Variants in SLC2A9 observed in about 807,000 individuals in gnomAD.
The protein encoded by SLC2A9 is solute carrier family 2 member 9, also known as solute carrier family 2, facilitated glucose transporter member 9.
In SLC2A9, 39 loss-of-function variants were observed where a neutral mutation model predicts 50.6. That is an observed-to-expected ratio of 0.77 (90% CI 0.60 to 1.01). The LOEUF is 1.01. SLC2A9 is among the 50% of genes least tolerant of loss of function. The pLI is 0.00. For missense variants in SLC2A9, 686 were observed against 677.6 expected (o/e 1.01, Z -0.14); for synonymous variants, 324 against 276.9 (o/e 1.17, Z -1.69).
At chr4:9,810,130 T>A (rs151109802) in intron 3 of SLC2A9, among the ~76,000 whole-genome samples, 5 of 152,172 alleles carry the variant, frequency 3.3e-5, no homozygotes, top group African/African-American at 1.2e-4. Flanking sequence ...TTATTTCCCA[T>A]GTTTCTCCAC....
chr4:9,925,933 T>C (rs1744813634), intron 6 of SLC2A9, among the ~76,000 whole-genome samples: 1 of 152,130 alleles, frequency 6.6e-6, no homozygotes, highest in South Asian at 2.1e-4. Context: ...CTCCCCATGG[T>C]CCTCAGACAC....
intron 10 of SLC2A9, among the ~76,000 whole-genome samples, chr4:9,873,310 G>A (rs1733756398): frequency 6.6e-6 from 1 of 152,220 alleles, no homozygotes; most frequent in Non-Finnish European, 1.5e-5. Context: ...TTTGTGGAAT[G>A]GGGGTAAGTG....
chr4:9,866,308 A>C (rs1202288079), intron 10 of SLC2A9, among the ~76,000 whole-genome samples: 1 of 151,894 alleles, frequency 6.6e-6, no homozygotes, highest in Admixed American at 6.6e-5. Context: ...CTCTGGGCAC[A>C]CCTCCTCCAA....
At chr4:9,790,921 T>G (rs73805852) in intron 3 of SLC2A9, among the ~76,000 whole-genome samples, 183 of 152,336 alleles carry the variant, frequency 1.2e-3, no homozygotes, top group African/African-American at 4.1e-3. Context: ...TTATTAACAA[T>G]GAATACATCT....
chr4:9,879,044 G>T (rs1734759641), intron 10 of SLC2A9: 1 of 985,236 alleles, frequency 1.0e-6, no homozygotes, highest in Non-Finnish European at 1.2e-6. Flanking sequence ...AGCATTTATT[G>T]AGTGCTGACC....
At chr4:10,013,003 C>T (rs554719081) in intron 2 of SLC2A9, among the ~76,000 whole-genome samples, 2 of 152,002 alleles carry the variant, frequency 1.3e-5, no homozygotes, top group Non-Finnish European at 2.9e-5. Flanking sequence ...ACTGTAGGAA[C>T]CAGAGTGGAA....
intron 5 of SLC2A9, among the ~76,000 whole-genome samples, chr4:9,945,622 A>G (rs1272385397): frequency 1.3e-5 from 2 of 152,176 alleles, no homozygotes; most frequent in African/African-American, 2.4e-5. Flanking sequence ...AGGAGGCCTG[A>G]TAAGACATAC....
chr4:9,787,401 C>T (rs1719359447), intron 3 of SLC2A9, among the ~76,000 whole-genome samples: 2 of 152,176 alleles, frequency 1.3e-5, no homozygotes, highest in South Asian at 4.1e-4. Context: ...AGAAACCTTG[C>T]AACACGGTAC....
intron 10 of SLC2A9, among the ~76,000 whole-genome samples, chr4:9,843,560 G>A (rs1428617541): frequency 6.6e-6 from 1 of 152,100 alleles, no homozygotes; most frequent in African/African-American, 2.4e-5. Flanking sequence ...AGACCATCTG[G>A]GTTAGAGTCT....
intron 10 of SLC2A9, among the ~76,000 whole-genome samples, chr4:9,840,733 G>A (rs116782071): frequency 8.1e-4 from 123 of 152,210 alleles, no homozygotes; most frequent in African/African-American, 2.7e-3. Context: ...CATTAACTAT[G>A]ATGTTTTTGG....
At chr4:9,865,877 C>T (rs959089086) in intron 10 of SLC2A9, among the ~76,000 whole-genome samples, 56 of 152,318 alleles carry the variant, frequency 3.7e-4, no homozygotes, top group African/African-American at 1.2e-3. Flanking sequence ...CACTGGTTTG[C>T]AGGAATCTGG....
intron 3 of SLC2A9, among the ~76,000 whole-genome samples, chr4:9,793,674 G>A (rs576413056): frequency 6.6e-6 from 1 of 152,250 alleles, no homozygotes; most frequent in Non-Finnish European, 1.5e-5. Flanking sequence ...CATTTCAAAG[G>A]CCTGTTTTTT....
chr4:9,906,372 C>A (rs1329447379), intron 8 of SLC2A9, among the ~76,000 whole-genome samples: 1 of 152,106 alleles, frequency 6.6e-6, no homozygotes, highest in African/African-American at 2.4e-5. Context: ...AAGGATAAAT[C>A]GTTCAGCACT....
chr4:9,781,548 G>A (rs1204918242), intron 3 of SLC2A9: 1 of 154,556 alleles, frequency 6.5e-6, no homozygotes, highest in Non-Finnish European at 1.4e-5. Context: ...AGGGCGCCAA[G>A]GCACAGGTGG....
intron 5 of SLC2A9, among the ~76,000 whole-genome samples, chr4:9,950,584 T>C (rs1385672027): frequency 6.4e-5 from 6 of 93,138 alleles, no homozygotes; most frequent in East Asian, 6.2e-4. Context: ...ATGGCTATTA[T>C]TAAATGACAG....
At chr4:9,879,400 G>T (rs950673822) in intron 10 of SLC2A9, 1 of 985,012 alleles carries the variant, frequency 1.0e-6, no homozygotes, top group Non-Finnish European at 1.2e-6. Flanking sequence ...GTGTGTGTGT[G>T]TTTGTGCGTG....
chr4:9,772,526 C>T (rs1253065534), intron 1 of SLC2A9, among the ~76,000 whole-genome samples: 1 of 152,204 alleles, frequency 6.6e-6, no homozygotes, highest in Admixed American at 6.5e-5. Flanking sequence ...ATTGACCCCA[C>T]CCCTGCACAA....
chr4:10,004,448 G>A (rs573166467), intron 2 of SLC2A9, among the ~76,000 whole-genome samples: 17 of 152,232 alleles, frequency 1.1e-4, no homozygotes, highest in Non-Finnish European at 2.2e-4. Flanking sequence ...CCACCAAGAC[G>A]CTGAGAATGT....
chr4:9,970,432 T>A (rs997951287), intron 5 of SLC2A9, among the ~76,000 whole-genome samples: 1 of 151,960 alleles, frequency 6.6e-6, no homozygotes, highest in Non-Finnish European at 1.5e-5. Context: ...GGGGGTACTG[T>A]AGTCACAAGT....
Sources: allele counts gnomAD v4.1 joint callset (sites outside exome capture counted in the v4.1 genomes callset), GRCh38; gene constraint gnomAD v4.1.1; transcripts MANE v1.5; gene names NCBI Gene and HGNC (gene_info 2026-07-23, HGNC 2026-07-21).